IWS1: variants seen among roughly 807,000 people sequenced by gnomAD.
IWS1 encodes the protein protein IWS1 homolog.
Under a neutral mutation model 86.7 loss-of-function variants are expected in IWS1, and 27 were observed. The ratio of observed to expected loss-of-function variants is 0.31; its 90% CI spans 0.23 to 0.43. The LOEUF is 0.43. Among genes scored for constraint, IWS1 ranks in the 20% least tolerant of loss-of-function variants. The pLI, the probability that IWS1 is intolerant of heterozygous loss-of-function variation, is 1.00. For missense variants in IWS1, 827 were observed against 1,000.8 expected (o/e 0.83, Z 2.34); for synonymous variants, 313 against 335.1 (o/e 0.93, Z 0.72).
At chr2:127,524,245 CAGTA>C (rs1207044183) in intron 1 of IWS1, among the ~76,000 whole-genome samples, 9 of 152,308 alleles carry the variant, frequency 5.9e-5, no homozygotes, top group South Asian at 2.1e-4. Flanking sequence ...ACCTGATATA[CAGTA>C]AGTATTTGTT....
intron 2 of IWS1, among the ~76,000 whole-genome samples, chr2:127,506,237 G>A (rs1384846946): frequency 6.6e-6 from 1 of 152,058 alleles, no homozygotes; most frequent in African/African-American, 2.4e-5. Context: ...GCGTGGTGGT[G>A]GACACCTGTA....
intron 2 of IWS1, among the ~76,000 whole-genome samples, chr2:127,509,987 T>C (rs1197747772): frequency 6.6e-6 from 1 of 152,224 alleles, no homozygotes; most frequent in Non-Finnish European, 1.5e-5. Flanking sequence ...AATGGAAACG[T>C]GTATAGACCC....
At chr2:127,504,621 CCA>C (rs1558756638) in intron 3 of IWS1, 61 bp downstream of exon 3, 3 of 1,153,236 alleles carry the variant, frequency 2.6e-6, no homozygotes, top group South Asian at 3.0e-5. Context: ...ATACAATGTT[CCA>C]CAGTTACAAG....
At position 127,484,955 on chromosome 2, in the gene IWS1, C is replaced by A. The variant is rs567068249; in HGVS notation, c.2328+1598G>T. ...GAACTTGCAGTGAGTGGAGATCGCACCACTGCACTCCAACCTGGGCGACAG... is the reference window on the plus strand; with the variant it reads ...GAACTTGCAGTGAGTGGAGATCGCAACACTGCACTCCAACCTGGGCGACAG... On this transcript the variant is annotated intron_variant, in intron 13 of 13. Transcript: ENST00000295321. 2.8e-4 allele frequency among the ~76,000 whole-genome samples: 43 copies of A among 151,958 alleles called. No individual in the cohort carries two copies. In the Middle Eastern group the frequency reaches 0.017, roughly 60 times the overall value.
At chr2:127,520,472 A>G (rs561987771) in intron 2 of IWS1, among the ~76,000 whole-genome samples, 49 of 152,318 alleles carry the variant, frequency 3.2e-4, no homozygotes, top group African/African-American at 1.1e-3. Context: ...CGGCCTTTGC[A>G]CTGCTTCATT....
chr2:127,523,070 G>A (rs532359399), intron 2 of IWS1, among the ~76,000 whole-genome samples: 4 of 152,238 alleles, frequency 2.6e-5, no homozygotes, highest in African/African-American at 7.2e-5. Context: ...ATAGCTGGAC[G>A]TGGTGGCCTG....
chr2:127,507,225 T>G (rs1691192354), intron 2 of IWS1, among the ~76,000 whole-genome samples: 1 of 152,180 alleles, frequency 6.6e-6, no homozygotes, highest in South Asian at 2.1e-4. Context: ...CCCAAACTTT[T>G]ACTAACCCAA....
At position 127,496,061 on chromosome 2, in the gene IWS1, G is replaced by T; in HGVS notation, c.1653C>A (p.Thr551=). ...CGACGTCGTCTGCATCACTAATAAAGGTGCCACCATCGCGGTTCCGTCTGC... is the reference window on the plus strand; with the variant it reads ...CGACGTCGTCTGCATCACTAATAAATGTGCCACCATCGCGGTTCCGTCTGC... The part of the protein sequence containing the change: ...GKRRRNRDGG[T]FISDADDVVS... The change falls in exon 7 of 14, where the codon ACC becomes ACA. Residue 551 remains threonine, a synonymous_variant. Coordinates refer to ENST00000295321, the MANE Select transcript of IWS1 (RefSeq NM_017969.3). The T allele has an allele frequency of 6.2e-7, 1 of 1,613,904 alleles. No individual in the cohort carries two copies. Among genetic ancestry groups the T allele is most frequent in the South Asian group, 1.1e-5 (1 of 91,076 alleles).
In IWS1 at chr2:127,499,955, C is replaced by T. The variant is rs559383829; in HGVS notation, c.1468-1718G>A. 6.6e-6 allele frequency among the ~76,000 whole-genome samples: 1 copy of T among 152,228 alleles called. No individual in the cohort carries two copies. The highest frequency in any genetic ancestry group is 1.9e-4 in the East Asian group (1 of 5,188). On this transcript the variant is annotated intron_variant, in intron 5 of 13. Transcript: ENST00000295321. The surrounding 1 kb of genome is among the most constrained non-coding windows in gnomAD (Gnocchi z 4.0). ...CTTGACTCTTACCTCATACCACATA[C>T]GAAACCAATTCTAGGTGAATTATAC...
intron 2 of IWS1, among the ~76,000 whole-genome samples, chr2:127,519,180 G>T (rs1453148741): frequency 1.3e-5 from 2 of 152,062 alleles, no homozygotes; most frequent in African/African-American, 4.8e-5. Context: ...ATGGCCATTA[G>T]GCAGGGCCAT....
At chr2:127,523,521 T>C (rs545442608) in intron 2 of IWS1, among the ~76,000 whole-genome samples, 155 bp downstream of exon 2, 2 of 152,328 alleles carry the variant, frequency 1.3e-5, no homozygotes, top group South Asian at 4.1e-4. Flanking sequence ...ACCATCCCTA[T>C]TTATTTTTCA....
chr2:127,524,307 C>T (rs1326673886), intron 1 of IWS1, among the ~76,000 whole-genome samples: 1 of 152,098 alleles, frequency 6.6e-6, no homozygotes, highest in Non-Finnish European at 1.5e-5. Flanking sequence ...AGTGAAAATC[C>T]ATTCAAGAAA....
intron 2 of IWS1, among the ~76,000 whole-genome samples, chr2:127,521,115 C>A (rs777553): frequency 2.0e-5 from 3 of 152,088 alleles, no homozygotes. Flanking sequence ...AAAAATTAGG[C>A]GTGGTAGCGC....
chr2:127,507,347 T>G (rs1408191946), intron 2 of IWS1, among the ~76,000 whole-genome samples: 2 of 152,208 alleles, frequency 1.3e-5, no homozygotes, highest in Admixed American at 6.5e-5. Context: ...AGCACAGCAT[T>G]GCAAAGAGTC....
chr2:127,502,637 TTA>T (rs1284183024), intron 5 of IWS1, 176 bp downstream of exon 5: 43 of 398,142 alleles, frequency 1.1e-4, no homozygotes, highest in Non-Finnish European at 1.5e-4. Context: ...TAGCTTCCTT[TTA>T]TGTCTTTGTA....
intron 2 of IWS1, among the ~76,000 whole-genome samples, chr2:127,519,515 C>T (rs964541615): frequency 6.6e-6 from 1 of 150,604 alleles, no homozygotes; most frequent in Non-Finnish European, 1.5e-5. Flanking sequence ...TGAGTAAATA[C>T]TATAGGTGAA....
chr2:127,481,508 C>T (rs1197046829), intron 13 of IWS1, among the ~76,000 whole-genome samples: 2 of 152,148 alleles, frequency 1.3e-5, no homozygotes, highest in East Asian at 1.9e-4. Flanking sequence ...TAACTGCATG[C>T]GTTTCCCTTT....
chr2:127,521,116 G>A (rs192878522), intron 2 of IWS1, among the ~76,000 whole-genome samples: 234 of 152,244 alleles, frequency 1.5e-3, no homozygotes, highest in Non-Finnish European at 1.2e-3. Flanking sequence ...AAAATTAGGC[G>A]TGGTAGCGCA....
At chr2:127,488,610 A>G (rs1486714118) in intron 12 of IWS1, among the ~76,000 whole-genome samples, 1 of 152,196 alleles carries the variant, frequency 6.6e-6, no homozygotes, top group Non-Finnish European at 1.5e-5. Flanking sequence ...TCCATCCTAC[A>G]TGATGCCATT....
Sources: gnomAD v4.1 joint callset for allele counts (sites outside exome capture counted in the v4.1 genomes callset) on GRCh38, gnomAD v4.1.1 for gene constraint, Gnocchi (gnomAD v3.1) non-coding constraint, MANE v1.5 for transcripts, NCBI Gene and HGNC (gene_info 2026-07-23, HGNC 2026-07-21) for gene names.